Variants in YKT6 observed in about 807,000 individuals in gnomAD.
YKT6 encodes the protein YKT6 vesicular SNARE protein, also known as synaptobrevin homolog YKT6.
In YKT6, 12 loss-of-function variants were observed where a neutral mutation model predicts 29.3. The ratio of observed to expected loss-of-function variants is 0.41; its 90% CI spans 0.26 to 0.66. The LOEUF (loss-of-function observed/expected upper bound fraction) is 0.66. Ranked by LOEUF, YKT6 falls within the 30% of genes least tolerant of loss-of-function variation. YKT6 has a pLI of 0.32. For synonymous variants in YKT6, 86 were observed against 94.3 expected (o/e 0.91, Z 0.51); for missense variants, 188 against 243.8 (o/e 0.77, Z 1.52).
intron 3 of YKT6, among the ~76,000 whole-genome samples, chr7:44,206,831 C>T (rs1250452075): frequency 6.6e-6 from 1 of 152,184 alleles, no homozygotes; most frequent in Non-Finnish European, 1.5e-5. Flanking sequence ...CCATTGCCTC[C>T]TGCAGTTGCT....
intron 6 of YKT6, among the ~76,000 whole-genome samples, chr7:44,211,979 A>C (rs2096347288): frequency 1.3e-5 from 2 of 152,142 alleles, no homozygotes; most frequent in African/African-American, 4.8e-5. Flanking sequence ...TAGGAATTTT[A>C]CTCACTTTTT....
In YKT6 at chr7:44,207,378, T is replaced by C. The variant is rs2096341894; in HGVS notation, c.289-10T>C. 6.2e-7 allele frequency: 1 copy of C among 1,613,622 alleles called. No homozygotes were observed. Among genetic ancestry groups the C allele is most frequent in the Non-Finnish European group, 8.5e-7 (1 of 1,179,738 alleles). Reference sequence around the variant, plus strand: ...AGTGGGAGGCTTGTTGAGTCTCCTTTGTCTTGCAGGTACTAGATGAATTCT... The same window carrying C: ...AGTGGGAGGCTTGTTGAGTCTCCTTCGTCTTGCAGGTACTAGATGAATTCT... On this transcript the variant is annotated splice_polypyrimidine_tract_variant and intron_variant, in intron 3 of 6. Transcript: ENST00000223369.
chr7:44,205,744 C>T (rs1162700436), intron 2 of YKT6, among the ~76,000 whole-genome samples: 2 of 152,190 alleles, frequency 1.3e-5, no homozygotes, highest in African/African-American at 2.4e-5. Flanking sequence ...GAATATTTTG[C>T]GGAAGACCTG....
rs2096348476 is a variant in YKT6, at chr7:44,212,945, A to T, written c.*663A>T. ...TCCTAAGCAGCTTCCAAGTCCCACA[A>T]AGGTGGCTTGTGGGAGGATTTGGAA... On this transcript the variant is annotated 3_prime_UTR_variant, in exon 7 of 7. Coordinates refer to ENST00000223369, the MANE Select transcript of YKT6 (RefSeq NM_006555.4). 1 of 152,232 alleles carries T rather than the reference A, an allele frequency of 6.6e-6. No homozygotes were observed. Among genetic ancestry groups the T allele is most frequent in the Non-Finnish European group, 1.5e-5 (1 of 68,036 alleles). 9.4% of individuals were successfully genotyped at this position (152,232 alleles called of 1,614,324 possible). A position where few individuals can be genotyped will look rare whatever the true frequency, so the allele number is the denominator to read the frequency against.
rs1307160446 is a variant in YKT6, at chr7:44,213,405, G to T, written c.*1123G>T. 2 of 152,338 alleles carry T rather than the reference G, an allele frequency of 1.3e-5. No individual in the cohort carries two copies. Among genetic ancestry groups the T allele is most frequent in the Non-Finnish European group, 1.5e-5 (1 of 68,142 alleles). The allele number at this position is 152,338 out of a possible 1,614,324, so 9.4% of individuals were successfully genotyped here. On this transcript the variant is annotated 3_prime_UTR_variant, in exon 7 of 7. Coordinates refer to ENST00000223369, the MANE Select transcript of YKT6 (RefSeq NM_006555.4). Reference sequence around the variant, plus strand: ...TCTTGGTCAGAGGTAGCTGCAGAGGGGGGAGGCCAAGGGTTTGGTCTAAGC... The same window carrying T: ...TCTTGGTCAGAGGTAGCTGCAGAGGTGGGAGGCCAAGGGTTTGGTCTAAGC...
rs781460168 is a variant in YKT6, at chr7:44,201,268, C to A, written c.104+29C>A. The stretch of plus-strand genomic sequence containing the variant: ...AGCGGCACAGGCTGGTGGGCCGTGG[C>A]GGTCGGGCGGAGAGGACTGGGGTGG... On this transcript the variant is annotated intron_variant, in intron 1 of 6. Coordinates refer to ENST00000223369, the MANE Select transcript of YKT6 (RefSeq NM_006555.4). 1.6e-5 allele frequency: 23 copies of A among 1,394,010 alleles called. 1 individual carries two copies. The Admixed American group carries it at 4.1e-4, about 25-fold the overall frequency. The allele number at this position is 1,394,010 out of a possible 1,614,324, so 86.4% of individuals were successfully genotyped here.
intron 1 of YKT6, among the ~76,000 whole-genome samples, chr7:44,203,304 G>T (rs973162190): frequency 2.0e-5 from 3 of 152,164 alleles, no homozygotes; most frequent in African/African-American, 7.2e-5. Context: ...ATGTTAGCCA[G>T]GCTGGTCTCG....
Position 44,212,444 on chromosome 7 carries a change from C to G in YKT6, c.*162C>G. 1.2e-6 allele frequency: 1 copy of G among 866,272 alleles called. No individual in the cohort carries two copies. Among genetic ancestry groups the G allele is most frequent in the Non-Finnish European group, 1.8e-6 (1 of 562,058 alleles). The allele number at this position is 866,272 out of a possible 1,614,324, so 53.7% of individuals were successfully genotyped here. ...CGAGAAATGGATGGTGGAAGGGTGG[C>G]GAATGTTCAAATTCATATGTGTGGT... On this transcript the variant is annotated 3_prime_UTR_variant, in exon 7 of 7. Coordinates refer to ENST00000223369, the MANE Select transcript of YKT6 (RefSeq NM_006555.4).
chr7:44,211,199 T>A lies in YKT6; in HGVS notation c.561+75T>A, dbSNP rs1232124108. 6.9e-6 allele frequency: 9 copies of A among 1,299,670 alleles called. No individual in the cohort carries two copies. In the South Asian group the frequency reaches 1.1e-4, roughly 16 times the overall value. 80.5% of individuals were successfully genotyped at this position (1,299,670 alleles called of 1,614,324 possible). On this transcript the variant is annotated intron_variant, in intron 6 of 6. Coordinates refer to ENST00000223369, the MANE Select transcript of YKT6 (RefSeq NM_006555.4). ...TCGCAGCTTGCTGCTTCTGGCACTC[T>A]CCACTATGAACGGGTCTTTCTTAGA... is the stretch of plus-strand genomic sequence containing the variant.
chr7:44,209,591 G>T (rs191795171), intron 5 of YKT6, among the ~76,000 whole-genome samples: 8 of 152,330 alleles, frequency 5.3e-5, no homozygotes, highest in African/African-American at 1.9e-4. Context: ...TAGATGATTG[G>T]TGTGCATATC....
chr7:44,201,139 A>C lies in YKT6; in HGVS notation c.4A>C (p.Lys2Gln), dbSNP rs1562740487. M[K>Q]LYSLSVLYKG... is the part of the protein sequence containing the mutation. The stretch of plus-strand genomic sequence containing the variant: ...GGCGGCCTGAGGGCGCGGAGCCATG[A>C]AGCTGTACAGCCTCAGCGTCCTCTA... The change falls in exon 1 of 7, where the codon AAG becomes CAG. Residue 2 changes from lysine (K) to glutamine (Q), a missense_variant. Lys to Gln is a moderately conservative substitution (Grantham distance 53, BLOSUM62 1). Around this residue, in one of 3 missense-constraint regions of YKT6, gnomAD observed 71 missense variants for 67.3 expected, o/e 1.05. Coordinates refer to ENST00000223369, the MANE Select transcript of YKT6 (RefSeq NM_006555.4). 6.3e-7 allele frequency: 1 copy of C among 1,594,780 alleles called. No individual in the cohort carries two copies. The highest frequency in any genetic ancestry group is 1.7e-5 in the Admixed American group (1 of 57,722).
Position 44,203,461 on chromosome 7 carries a change from G to A in YKT6, c.105-1107G>A, listed in dbSNP as rs900635669. On this transcript the variant is annotated intron_variant, in intron 1 of 6. Coordinates refer to ENST00000223369, the MANE Select transcript of YKT6 (RefSeq NM_006555.4). ...TGCCCTATAATTACCCGATTCCAAA[G>A]TTGAAAAAGTAGTTTCCCAGCTTTT... Among the ~76,000 whole-genome samples the A allele has an allele frequency of 2.6e-5, 4 of 152,162 alleles. No individual in the cohort carries two copies. In the South Asian group the frequency reaches 8.3e-4, roughly 32 times the overall value.
rs1207288726 is a variant in YKT6, at chr7:44,214,025, A to C, written c.*1743A>C. 1 of 152,282 alleles carries C rather than the reference A, an allele frequency of 6.6e-6. No homozygotes were observed. The highest frequency in any genetic ancestry group is 1.9e-4 in the East Asian group (1 of 5,176). 9.4% of individuals were successfully genotyped at this position (152,282 alleles called of 1,614,324 possible). ...TTTCCCACTTGAGGACCCTGGGGAG[A>C]GATGGGGGCGGGGAAAATGGAGGTA... On this transcript the variant is annotated 3_prime_UTR_variant, in exon 7 of 7. Coordinates refer to ENST00000223369, the MANE Select transcript of YKT6 (RefSeq NM_006555.4).
rs141717401 is a variant in YKT6, at chr7:44,210,980, C to T, written c.460-43C>T. On this transcript the variant is annotated intron_variant, in intron 5 of 6. Coordinates refer to ENST00000223369, the MANE Select transcript of YKT6 (RefSeq NM_006555.4). ...GAAATATGAGGGGCTCATGTCAGGGCACGTACTGAACAGAGCTGGATTCTC... is the reference window on the plus strand; with the variant it reads ...GAAATATGAGGGGCTCATGTCAGGGTACGTACTGAACAGAGCTGGATTCTC... 2.0e-5 allele frequency: 32 copies of T among 1,601,854 alleles called. No individual in the cohort carries two copies. The East Asian group carries it at 6.9e-4, about 35-fold the overall frequency.
At chr7:44,210,788 G>A (rs2096345901) in intron 5 of YKT6, 4 of 586,494 alleles carry the variant, frequency 6.8e-6, no homozygotes, top group South Asian at 6.1e-5. Flanking sequence ...CAGCTTTTTG[G>A]GAAGTCTGCT....
In YKT6 at chr7:44,201,011, G is replaced by A. The variant is rs377640415; in HGVS notation, c.-125G>A. 3.4e-5 allele frequency: 24 copies of A among 705,658 alleles called. No homozygotes were observed. Among genetic ancestry groups the A allele is most frequent in the Non-Finnish European group, 5.1e-5 (23 of 449,590 alleles). The allele number at this position is 705,658 out of a possible 1,614,324, so 43.7% of individuals were successfully genotyped here. On this transcript the variant is annotated 5_prime_UTR_variant, in exon 1 of 7. Transcript: ENST00000223369. The stretch of plus-strand genomic sequence containing the variant: ...AGCCAGGAGGAGGAAGCCGGCGGTG[G>A]CCCCGTCAGCAGCCGGCTGCTGAGA...
intron 5 of YKT6, 55 bp from the exon 6 acceptor site, chr7:44,210,968 C>T (rs2096346165): frequency 1.9e-6 from 3 of 1,583,662 alleles, no homozygotes; most frequent in South Asian, 2.2e-5. Context: ...ATATGAGGGG[C>T]TCATGTCAGG....
chr7:44,203,401 G>C (rs1298358664), intron 1 of YKT6, among the ~76,000 whole-genome samples: 1 of 152,188 alleles, frequency 6.6e-6, no homozygotes, highest in Non-Finnish European at 1.5e-5. Context: ...GCCTGAGCTT[G>C]TTTTCTTATA....
At chr7:44,202,650 G>T (rs2096337030) in intron 1 of YKT6, among the ~76,000 whole-genome samples, 1 of 152,068 alleles carries the variant, frequency 6.6e-6, no homozygotes, top group Non-Finnish European at 1.5e-5. Flanking sequence ...ACCACATTTT[G>T]CTTATCTGTT....
Sources: allele counts gnomAD v4.1 joint callset (sites outside exome capture counted in the v4.1 genomes callset), GRCh38; gene constraint gnomAD v4.1.1; regional missense constraint gnomAD v4.1.1; transcripts MANE v1.5; gene names NCBI Gene and HGNC (gene_info 2026-07-23, HGNC 2026-07-21).